SP110: variants seen among roughly 807,000 people sequenced by gnomAD.
SP110 encodes SP110 nuclear body protein.
SP110 carries 62 observed loss-of-function variants against 92.7 expected under a neutral mutation model. That is an observed-to-expected ratio of 0.67 (90% CI 0.55 to 0.83). SP110 has a LOEUF of 0.83. Ranked by LOEUF, SP110 falls within the 40% of genes least tolerant of loss-of-function variation. The probability of loss-of-function intolerance (pLI) is 0.00; values close to 1 mark genes in which losing one functional copy is unlikely to be tolerated. For missense variants in SP110, 793 were observed against 863.9 expected (o/e 0.92, Z 1.03); for synonymous variants, 273 against 305.3 (o/e 0.89, Z 1.10).
At chr2:230,194,563 T>C (rs77067958) in intron 10 of SP110, among the ~76,000 whole-genome samples, 4,109 of 152,240 alleles carry the variant, frequency 0.027, 186 homozygotes, top group African/African-American at 0.093. Context: ...AAAATGCAGC[T>C]TTTTTGTTTC....
At chr2:230,196,131 TTA>T (rs1269616925) in intron 10 of SP110, among the ~76,000 whole-genome samples, 1 of 152,206 alleles carries the variant, frequency 6.6e-6, no homozygotes. Context: ...ATATAAATCA[TTA>T]TGTTTTCTGG....
At chr2:230,171,408 A>C (rs1574587652) in intron 17 of SP110, 1 of 440,522 alleles carries the variant, frequency 2.3e-6, no homozygotes, top group East Asian at 4.7e-5. Flanking sequence ...TGTGACTCTT[A>C]ATCTCTAGTA....
chr2:230,190,023 T>C (rs1341489405), intron 10 of SP110, among the ~76,000 whole-genome samples: 2 of 152,242 alleles, frequency 1.3e-5, no homozygotes, highest in Non-Finnish European at 2.9e-5. Flanking sequence ...TACATGTGCA[T>C]GTGTCTTTAC....
upstream of SP110, chr2:230,220,203 G>A: frequency 2.8e-6 from 1 of 358,200 alleles, no homozygotes; most frequent in Non-Finnish European, 3.9e-6. Flanking sequence ...ATGGGAGGAG[G>A]AGGCATAAGG....
chr2:230,191,142 T>C (rs975947550), intron 10 of SP110, among the ~76,000 whole-genome samples: 2 of 152,146 alleles, frequency 1.3e-5, no homozygotes, highest in African/African-American at 4.8e-5. Context: ...GCTAAAGCAG[T>C]GTTAAGAGGA....
chr2:230,204,159 T>C (rs2043494586), intron 8 of SP110, among the ~76,000 whole-genome samples: 1 of 152,098 alleles, frequency 6.6e-6, no homozygotes, highest in South Asian at 2.1e-4. Flanking sequence ...GGGACTGGAG[T>C]CTACTCCTTT....
At position 230,169,040 on chromosome 2, in the gene SP110, G is replaced by T. The variant is rs971327393; in HGVS notation, c.*84C>A. ...CCTGAGGGCAGCCAATTACATCCCA[G>T]ACTCACTGGCAATCAACAGTCCAAG... On this transcript the variant is annotated 3_prime_UTR_variant, in exon 19 of 19. Transcript: ENST00000258381. 3.3e-6 allele frequency: 3 copies of T among 905,152 alleles called. No homozygotes were observed. In the African/African-American group the frequency reaches 4.9e-5, roughly 15 times the overall value. The allele number at this position is 905,152 out of a possible 1,614,324, so 56.1% of individuals were successfully genotyped here. A position where few individuals can be genotyped will look rare whatever the true frequency, so the allele number is the denominator to read the frequency against.
intron 8 of SP110, among the ~76,000 whole-genome samples, chr2:230,205,531 C>A (rs1041172084): frequency 1.3e-5 from 2 of 152,114 alleles, no homozygotes; most frequent in Admixed American, 1.3e-4. Flanking sequence ...TTTCCTTCCC[C>A]CAGCCAGGAT....
Position 230,202,589 on chromosome 2 carries a change from C to G in SP110, c.1038G>C (p.Ser346=), listed in dbSNP as rs7606916. 0.015 allele frequency: 23,902 copies of G among 1,614,088 alleles called. 2,603 individuals are homozygous for G. The African/African-American group carries it at 0.26, about 18-fold the overall frequency. The stretch of plus-strand genomic sequence containing the variant: ...CATCATCAGCCTTACCCTCTGATCT[C>G]GACTTTCGGGCACATTCAGTTCTCG... ...QKARTECARK[S]RSEEIIDGTS... The change falls in exon 9 of 19, where the codon TCG becomes TCC. Residue 346 remains serine, a synonymous_variant. Transcript: ENST00000258381.
Position 230,188,046 on chromosome 2 carries a change from T to C in SP110, c.1130-1903A>G, listed in dbSNP as rs368843405. ...TGTGAAAAATGATGTTGATATTTGA[T>C]AAGAATTGCATTCAATCTGTAGATT... is the stretch of plus-strand genomic sequence containing the variant. On this transcript the variant is annotated intron_variant, in intron 10 of 18. Transcript: ENST00000258381. Among the ~76,000 whole-genome samples the C allele has an allele frequency of 3.3e-3, 501 of 152,304 alleles. 3 individuals are homozygous for C. The highest frequency in any genetic ancestry group is 0.012 in the African/African-American group (479 of 41,584).
chr2:230,179,351 C>T (rs2042018715), intron 12 of SP110, among the ~76,000 whole-genome samples: 1 of 151,940 alleles, frequency 6.6e-6, no homozygotes. Flanking sequence ...GGTGTGGGAA[C>T]TTACGGTGGG....
chr2:230,213,286 T>G lies in SP110; in HGVS notation c.317-259A>C, dbSNP rs1480645337. On this transcript the variant is annotated intron_variant, in intron 3 of 18. Coordinates refer to ENST00000258381, the MANE Select transcript of SP110 (RefSeq NM_080424.4). ...ACCAAAATGGTTTCACACATAAAAG[T>G]TGAGTTTGGGTTTGTACCCAGGGGT... Among the ~76,000 whole-genome samples, 3 of 152,284 alleles carry G rather than the reference T, an allele frequency of 2.0e-5. 1 individual carries two copies. In the South Asian group the frequency reaches 6.2e-4, roughly 32 times the overall value.
chr2:230,196,303 C>T (rs1193808739), intron 10 of SP110, among the ~76,000 whole-genome samples: 1 of 151,770 alleles, frequency 6.6e-6, no homozygotes, highest in Non-Finnish European at 1.5e-5. Flanking sequence ...ATAAACTGTC[C>T]ACTAGTAGGT....
At position 230,178,105 on chromosome 2, in the gene SP110, T is replaced by C; in HGVS notation, c.1447+52A>G. 7.3e-6 allele frequency: 8 copies of C among 1,102,172 alleles called. No individual in the cohort carries two copies. In the South Asian group the frequency reaches 1.0e-4, roughly 14 times the overall value. 68.3% of individuals were successfully genotyped at this position (1,102,172 alleles called of 1,614,324 possible). A position where few individuals can be genotyped will look rare whatever the true frequency, so the allele number is the denominator to read the frequency against. ...CACACACGGGTATTTTCCTCCCTTC[T>C]AGTGAGTCCTTCATCTAGGGATTCC... is the stretch of plus-strand genomic sequence containing the variant. On this transcript the variant is annotated intron_variant, in intron 13 of 18. Coordinates refer to ENST00000258381, the MANE Select transcript of SP110 (RefSeq NM_080424.4).
chr2:230,180,004 A>T (rs116561487), intron 12 of SP110, among the ~76,000 whole-genome samples: 2 of 152,106 alleles, frequency 1.3e-5, no homozygotes, highest in Non-Finnish European at 2.9e-5. Flanking sequence ...TCACCTACTC[A>T]TCTTACCAAC....
chr2:230,223,023 T>C (rs2045948410), upstream of SP110, among the ~76,000 whole-genome samples: 1 of 150,992 alleles, frequency 6.6e-6, no homozygotes, highest in South Asian at 2.1e-4. Context: ...CAGCATGATG[T>C]CATCAATCAG....
chr2:230,213,142 C>T lies in SP110; in HGVS notation c.317-115G>A, dbSNP rs1574762395. On this transcript the variant is annotated intron_variant, in intron 3 of 18. Coordinates refer to ENST00000258381, the MANE Select transcript of SP110 (RefSeq NM_080424.4). ...ATGGGGGCATGGAGCTATTCATTGT[C>T]CCCCAGGTGCAGAGAACTGATTCAT... The T allele has an allele frequency of 8.0e-6, 8 of 998,216 alleles. No homozygotes were observed. In the East Asian group the frequency reaches 1.9e-4, roughly 24 times the overall value. The allele number at this position is 998,216 out of a possible 1,614,324, so 61.8% of individuals were successfully genotyped here.
At chr2:230,181,023 C>T (rs1390184892) in intron 12 of SP110, among the ~76,000 whole-genome samples, 2 of 152,284 alleles carry the variant, frequency 1.3e-5, no homozygotes, top group East Asian at 3.9e-4. Flanking sequence ...AAGTGCTTTG[C>T]CAACTGTGAA....
At chr2:230,188,176 G>C (rs2042443869) in intron 10 of SP110, among the ~76,000 whole-genome samples, 1 of 152,100 alleles carries the variant, frequency 6.6e-6, no homozygotes. Flanking sequence ...GCAGTGTTTT[G>C]TAGTTCTCCC....
Sources: gnomAD v4.1 joint callset for allele counts (sites outside exome capture counted in the v4.1 genomes callset) on GRCh38, gnomAD v4.1.1 for gene constraint, MANE v1.5 for transcripts, NCBI Gene and HGNC (gene_info 2026-07-23, HGNC 2026-07-21) for gene names.